The following SCAMP1 variants were observed in gnomAD, a reference collection of about 807,000 sequenced individuals.
SCAMP1 encodes the protein secretory carrier-associated membrane protein 1.
A neutral mutation model predicts 41.8 loss-of-function variants in SCAMP1; 15 were observed. The observed-to-expected ratio is 0.36, with a 90% CI of 0.24 to 0.55. SCAMP1 has a LOEUF of 0.55. SCAMP1 is among the 20% of genes least tolerant of loss of function. The pLI is 0.86. For synonymous variants in SCAMP1, 135 were observed against 136.8 expected, an observed-to-expected ratio of 0.99 and a Z score of 0.09; for missense variants, 341 against 412.6, an observed-to-expected ratio of 0.83 and a Z score of 1.50.
Position 78,369,194 on chromosome 5 carries a change from C to T in SCAMP1, c.57+8466C>T, listed in dbSNP as rs187968484. ...TGATCTCGGCTCACTGCAACCTCCA[C>T]CACGCAGGTTCAAGCGATTTTCCTG... On this transcript the variant is annotated intron_variant, in intron 1 of 8. Coordinates refer to ENST00000621999, the MANE Select transcript of SCAMP1 (RefSeq NM_004866.6). Among the ~76,000 whole-genome samples the T allele has an allele frequency of 1.1e-3, 162 of 151,874 alleles. 1 individual carries two copies. The highest frequency in any genetic ancestry group is 3.8e-3 in the African/African-American group (158 of 41,380).
At chr5:78,380,482 A>G (rs555981379) in intron 1 of SCAMP1, among the ~76,000 whole-genome samples, 1 of 152,284 alleles carries the variant, frequency 6.6e-6, no homozygotes, top group East Asian at 1.9e-4. Flanking sequence ...ATTTTTTGCT[A>G]ATTTGATAGG....
chr5:78,368,265 G>A (rs181593516), intron 1 of SCAMP1, among the ~76,000 whole-genome samples: 25 of 152,260 alleles, frequency 1.6e-4, no homozygotes, highest in Non-Finnish European at 3.5e-4. Flanking sequence ...ATATGGCCAG[G>A]GGAAGGCTGC....
At chr5:78,409,457 G>A (rs1232258076) in intron 2 of SCAMP1, among the ~76,000 whole-genome samples, 1 of 143,760 alleles carries the variant, frequency 7.0e-6, no homozygotes, top group Non-Finnish European at 1.5e-5. Flanking sequence ...ACGCATACAC[G>A]CTCATCTGTC....
intron 2 of SCAMP1, among the ~76,000 whole-genome samples, chr5:78,412,021 GTTTA>G (rs1752089916): frequency 6.6e-6 from 1 of 151,800 alleles, no homozygotes; most frequent in African/African-American, 2.4e-5. Context: ...TTTTTTGTAT[GTTTA>G]TTTTTCTTTT....
chr5:78,438,798 A>G lies in SCAMP1; in HGVS notation c.633-11135A>G, dbSNP rs146100667. Among the ~76,000 whole-genome samples the G allele has an allele frequency of 4.8e-3, 726 of 152,196 alleles. 7 individuals carry two copies. Among genetic ancestry groups the G allele is most frequent in the African/African-American group, 0.017 (691 of 41,530 alleles). On this transcript the variant is annotated intron_variant, in intron 6 of 8. Coordinates refer to ENST00000621999, the MANE Select transcript of SCAMP1 (RefSeq NM_004866.6). The stretch of plus-strand genomic sequence containing the variant: ...AACCTTCTGTCTTGTTGATCTGTCT[A>G]ATGTTGACAGTGGGGTGTTAAAGTC...
At position 78,459,326 on chromosome 5, in the gene SCAMP1, A is replaced by G. The variant is rs1753522612; in HGVS notation, c.816A>G (p.Thr272=). The G allele has an allele frequency of 4.4e-6, 7 of 1,600,748 alleles. No individual in the cohort carries two copies. The East Asian group carries it at 1.6e-4, about 36-fold the overall frequency. ...IMMIIIAALF[T]ASAVISLVMF... is the part of the protein sequence containing the mutation. ...TGATAATCATAGCAGCACTTTTCAC[A>G]GCATCAGCAGTCATCTCACTAGTTA... The change falls in exon 8 of 9, where the codon ACA becomes ACG. Residue 272 remains threonine (T), a synonymous_variant. Transcript: ENST00000621999.
intron 2 of SCAMP1, among the ~76,000 whole-genome samples, chr5:78,410,507 T>C (rs1752049326): frequency 6.6e-6 from 1 of 152,216 alleles, no homozygotes; most frequent in Admixed American, 6.5e-5. Flanking sequence ...TGGTATTCCA[T>C]GGTGTATATG....
intron 2 of SCAMP1, among the ~76,000 whole-genome samples, chr5:78,398,392 T>C (rs1751710012): frequency 9.4e-6 from 1 of 106,144 alleles, no homozygotes; most frequent in East Asian, 2.6e-4. Context: ...TGAGACAGGG[T>C]CTCACTTTGT....
At chr5:78,361,120 G>A (rs1325592614) in intron 1 of SCAMP1, 1 of 201,872 alleles carries the variant, frequency 5.0e-6, no homozygotes, top group Non-Finnish European at 1.0e-5. Context: ...AGGGGGGCCC[G>A]CCCTGGGGTG....
At chr5:78,456,045 TC>T (rs1753389343) in intron 7 of SCAMP1, among the ~76,000 whole-genome samples, 1 of 83,138 alleles carries the variant, frequency 1.2e-5, no homozygotes, top group Non-Finnish European at 2.4e-5. Context: ...TGGTAGATCT[TC>T]CTCCATCCTT....
At chr5:78,409,291 G>T (rs1256840703) in intron 2 of SCAMP1, among the ~76,000 whole-genome samples, 1 of 152,112 alleles carries the variant, frequency 6.6e-6, no homozygotes, top group South Asian at 2.1e-4. Flanking sequence ...ATTTGGTCTA[G>T]TATTTTAGGT....
In SCAMP1 at chr5:78,397,969, G is replaced by A. The variant is rs144889834; in HGVS notation, c.135+9055G>A. Among the ~76,000 whole-genome samples the A allele has an allele frequency of 2.0e-5, 3 of 152,314 alleles. No homozygotes were observed. In the East Asian group the frequency reaches 5.8e-4, roughly 29 times the overall value. On this transcript the variant is annotated intron_variant, in intron 2 of 8. Transcript: ENST00000621999. ...AATAGCGAGTATTGGCAAGGATGTG[G>A]AGAATTGGAACCTTCACACACTGCT...
At chr5:78,400,274 T>C (rs1026584722) in intron 2 of SCAMP1, among the ~76,000 whole-genome samples, 4 of 152,358 alleles carry the variant, frequency 2.6e-5, no homozygotes, top group Middle Eastern at 6.8e-3. Flanking sequence ...TACTGTTACT[T>C]TATAGTAAGT....
intron 6 of SCAMP1, among the ~76,000 whole-genome samples, chr5:78,445,050 T>G (rs1433646924): frequency 6.6e-6 from 1 of 152,214 alleles, no homozygotes; most frequent in Non-Finnish European, 1.5e-5. Flanking sequence ...GTGCTTTAGT[T>G]AACTTGTGTC....
rs3058233 is a variant in SCAMP1 at position 78,404,453 on chromosome 5, G to GTTTTTTTTTTTTT, written c.136-11059_136-11047dup. 2.2e-3 allele frequency among the ~76,000 whole-genome samples: 213 copies of GTTTTTTTTTTTTT among 98,162 alleles called. 14 individuals are homozygous for GTTTTTTTTTTTTT. Among genetic ancestry groups the GTTTTTTTTTTTTT allele is most frequent in the African/African-American group, 8.1e-3 (181 of 22,228 alleles). The allele number at this position is 98,162 out of a possible 152,430, so 64.4% of individuals were successfully genotyped here. ...TGAGCCACTGTGCCCAGCCTTACAG[G>GTTTTTTTTTTTTT]TTTTTTTTTTTTTTTTTTTTGCTAG... On this transcript the variant is annotated intron_variant, in intron 2 of 8. Transcript: ENST00000621999.
rs13176139 is a variant in SCAMP1, at chr5:78,403,980, A to C, written c.136-11540A>C. The stretch of plus-strand genomic sequence containing the variant: ...AAAAAAAAAAAAAAAAAAAAAAAAA[A>C]GGGATGGTGGGCATGCCTGTTGTCC... On this transcript the variant is annotated intron_variant, in intron 2 of 8. Coordinates refer to ENST00000621999, the MANE Select transcript of SCAMP1 (RefSeq NM_004866.6). 2.2e-5 allele frequency among the ~76,000 whole-genome samples: 3 copies of C among 133,766 alleles called. No individual in the cohort carries two copies. The East Asian group carries it at 6.5e-4, about 29-fold the overall frequency. The allele number at this position is 133,766 out of a possible 152,430, so 87.8% of individuals were successfully genotyped here.
chr5:78,441,917 C>G (rs774327252), intron 6 of SCAMP1, among the ~76,000 whole-genome samples: 5 of 152,274 alleles, frequency 3.3e-5, no homozygotes, highest in Non-Finnish European at 5.9e-5. Context: ...ATTGCTTGAG[C>G]TTGGTGCTCG....
At chr5:78,470,819 C>T (rs1019684176) in intron 8 of SCAMP1, among the ~76,000 whole-genome samples, 4 of 152,074 alleles carry the variant, frequency 2.6e-5, no homozygotes, top group Non-Finnish European at 5.9e-5. Context: ...TGTGATTTTC[C>T]GTTTTTCTCA....
At chr5:78,399,018 T>A (rs537670433) in intron 2 of SCAMP1, among the ~76,000 whole-genome samples, 1 of 152,340 alleles carries the variant, frequency 6.6e-6, no homozygotes, top group Non-Finnish European at 1.5e-5. Flanking sequence ...ATCTTTTTAC[T>A]GTCTCCATAG....
Sources: allele counts gnomAD v4.1 joint callset (sites outside exome capture counted in the v4.1 genomes callset), GRCh38; gene constraint gnomAD v4.1.1; transcripts MANE v1.5; gene names NCBI Gene and HGNC (gene_info 2026-07-23, HGNC 2026-07-21).